ZSCAN5A: variants seen among roughly 807,000 people sequenced by gnomAD.
ZSCAN5A encodes the protein zinc finger and SCAN domain-containing protein 5A.
A neutral mutation model predicts 23.7 loss-of-function variants in ZSCAN5A; 12 were observed. The ratio of observed to expected loss-of-function variants is 0.51; its 90% CI spans 0.32 to 0.82. ZSCAN5A has a LOEUF of 0.82. ZSCAN5A is among the 40% of genes least tolerant of loss of function. ZSCAN5A has a pLI of 0.03. For missense variants in ZSCAN5A, 597 were observed against 617.9 expected, an observed-to-expected ratio of 0.97 and a Z score of 0.36; for synonymous variants, 257 against 239.9, an observed-to-expected ratio of 1.07 and a Z score of -0.66.
chr19:56,233,667 A>G (rs1440153405), intron 2 of ZSCAN5A, among the ~76,000 whole-genome samples: 7 of 151,290 alleles, frequency 4.6e-5, no homozygotes, highest in Admixed American at 2.0e-4. Flanking sequence ...TTAAAAAAAA[A>G]TACTACTGTT....
intron 2 of ZSCAN5A, among the ~76,000 whole-genome samples, chr19:56,227,171 T>C (rs1168746854): frequency 1.3e-5 from 2 of 152,198 alleles, no homozygotes; most frequent in African/African-American, 2.4e-5. Flanking sequence ...AGATTTCAAG[T>C]ATTCTCAAAA....
At chr19:56,334,926 G>A (rs1459868962) in intron 2 of ZSCAN5A, among the ~76,000 whole-genome samples, 1 of 152,138 alleles carries the variant, frequency 6.6e-6, no homozygotes, top group Admixed American at 6.6e-5. Flanking sequence ...CTCCAGCAAG[G>A]GTTTGAAACT....
chr19:56,250,213 C>A (rs10419849), intron 2 of ZSCAN5A, among the ~76,000 whole-genome samples: 130,916 of 152,164 alleles, frequency 0.86, 56,635 homozygotes, highest in African/African-American at 0.97. Context: ...TGCTCAAGAG[C>A]GACTCCCTTT....
chr19:56,337,001 G>A (rs551698743), intron 2 of ZSCAN5A, among the ~76,000 whole-genome samples: 14,566 of 152,220 alleles, frequency 0.096, 761 homozygotes, highest in South Asian at 0.16. Flanking sequence ...CTACTGGGGG[G>A]TGCCTCCCAG....
At chr19:56,366,181 G>A (rs1424643096) in intron 1 of ZSCAN5A, among the ~76,000 whole-genome samples, 1 of 152,158 alleles carries the variant, frequency 6.6e-6, no homozygotes. Context: ...CCTGGGCTCA[G>A]GATAAGAGAC....
At chr19:56,339,322 G>GCGAAGGAGCGGC (rs1326183024) in intron 2 of ZSCAN5A, among the ~76,000 whole-genome samples, 1,629 of 151,458 alleles carry the variant, frequency 0.011, 7 homozygotes, top group East Asian at 0.063. Context: ...TTAGCAATAT[G>GCGAAGGAGCGGC]TGAAGGAGCG....
At chr19:56,353,614 TA>T (rs753891156) in intron 2 of ZSCAN5A, among the ~76,000 whole-genome samples, 74 of 146,326 alleles carry the variant, frequency 5.1e-4, no homozygotes, top group Non-Finnish European at 8.9e-4. Context: ...CCGTCTCTAC[TA>T]AAAAAAAATA....
intron 2 of ZSCAN5A, among the ~76,000 whole-genome samples, chr19:56,290,234 A>G (rs997960653): frequency 3.3e-5 from 5 of 152,234 alleles, no homozygotes; most frequent in African/African-American, 7.2e-5. Context: ...AACTACTGAG[A>G]TAAAGTAGGA....
chr19:56,248,225 G>A (rs1892913352), intron 2 of ZSCAN5A, among the ~76,000 whole-genome samples: 1 of 151,838 alleles, frequency 6.6e-6, no homozygotes, highest in African/African-American at 2.4e-5. Context: ...CTTCTATTGG[G>A]TATCCTGTAT....
Position 56,287,133 on chromosome 19 carries a change from G to A in ZSCAN5A, c.-128+26150C>T, listed in dbSNP as rs558792411. Among the ~76,000 whole-genome samples, 3 of 152,284 alleles carry A rather than the reference G, an allele frequency of 2.0e-5. 1 individual carries two copies. Among genetic ancestry groups the A allele is most frequent in the South Asian group, 4.1e-4 (2 of 4,826 alleles). On this transcript the variant is annotated intron_variant, in intron 2 of 5. Transcript: ENST00000683990. Reference sequence around the variant, plus strand: ...GGTTTCTGTTACTCCTGTGATGACAGTTTCCGAGTTTTGTCCATCTTAGGT... The same window carrying A: ...GGTTTCTGTTACTCCTGTGATGACAATTTCCGAGTTTTGTCCATCTTAGGT...
At chr19:56,267,894 C>G (rs917808068) in intron 2 of ZSCAN5A, among the ~76,000 whole-genome samples, 2 of 152,132 alleles carry the variant, frequency 1.3e-5, no homozygotes, top group Non-Finnish European at 2.9e-5. Context: ...ATTTTTACTC[C>G]CTGAGAAACT....
At chr19:56,312,877 G>A (rs1024854942) in intron 2 of ZSCAN5A, among the ~76,000 whole-genome samples, 13 of 152,204 alleles carry the variant, frequency 8.5e-5, no homozygotes, top group East Asian at 3.8e-4. Flanking sequence ...TACAGTCATC[G>A]TGGGAATTAA....
chr19:56,233,950 C>T (rs1309540444), intron 2 of ZSCAN5A, among the ~76,000 whole-genome samples: 1 of 152,130 alleles, frequency 6.6e-6, no homozygotes, highest in Non-Finnish European at 1.5e-5. Context: ...GTAACTCACG[C>T]CTGTAATCCC....
At chr19:56,278,768 G>A (rs528744815) in intron 2 of ZSCAN5A, among the ~76,000 whole-genome samples, 11 of 152,198 alleles carry the variant, frequency 7.2e-5, no homozygotes, top group Non-Finnish European at 1.3e-4. Flanking sequence ...TGGCCTGGGA[G>A]CTCAGGGAGC....
chr19:56,327,354 C>A (rs2041444189), intron 2 of ZSCAN5A, among the ~76,000 whole-genome samples: 1 of 151,838 alleles, frequency 6.6e-6, no homozygotes, highest in South Asian at 2.1e-4. Context: ...TGGCCTCAAG[C>A]AATTCTCCCA....
intron 2 of ZSCAN5A, chr19:56,312,296 G>T (rs1470837745): frequency 6.6e-6 from 1 of 152,066 alleles, no homozygotes; most frequent in Non-Finnish European, 1.5e-5. Context: ...TCTGATAACT[G>T]AACCAAGTAT....
intron 2 of ZSCAN5A, among the ~76,000 whole-genome samples, chr19:56,226,306 A>T (rs2033928723): frequency 6.6e-6 from 1 of 152,136 alleles, no homozygotes. Context: ...AGAGGAGGAG[A>T]CAATATTTAC....
Position 56,245,379 on chromosome 19 carries a change from A to G in ZSCAN5A, c.-127-20206T>C, listed in dbSNP as rs61740376. On this transcript the variant is annotated intron_variant, in intron 2 of 5. Coordinates refer to ENST00000683990, the MANE Select transcript of ZSCAN5A (RefSeq NM_001322064.3). ...CGTCCGGGGGAAGGCCAGGCCAGCC[A>G]AGAGCTGCAGACCCTGCCCAGGGTC... 15,684 of 750,938 alleles carry G rather than the reference A, an allele frequency of 0.021. 1,722 individuals are homozygous for G. In the African/African-American group the frequency reaches 0.23, roughly 11 times the overall value. 46.5% of individuals were successfully genotyped at this position (750,938 alleles called of 1,614,324 possible).
At chr19:56,276,560 C>T (rs1183292493) in intron 2 of ZSCAN5A, among the ~76,000 whole-genome samples, 6 of 116,328 alleles carry the variant, frequency 5.2e-5, no homozygotes, top group Admixed American at 9.6e-5. Context: ...ATTTTTGAGA[C>T]GAGCCTCGCT....
Sources: allele counts gnomAD v4.1 joint callset (sites outside exome capture counted in the v4.1 genomes callset), GRCh38; gene constraint gnomAD v4.1.1; transcripts MANE v1.5; gene names NCBI Gene and HGNC (gene_info 2026-07-23, HGNC 2026-07-21).